NRG1: variants seen among roughly 807,000 people sequenced by gnomAD.
NRG1 encodes pro-neuregulin-1, membrane-bound isoform.
In NRG1, 18 loss-of-function variants were observed where a neutral mutation model predicts 63.8. That is an observed-to-expected ratio of 0.28 (90% CI 0.19 to 0.42). The LOEUF (loss-of-function observed/expected upper bound fraction) is 0.42. Among genes scored for constraint, NRG1 ranks in the 10% least tolerant of loss-of-function variants. The pLI is 1.00. For missense variants in NRG1, 762 were observed against 814.7 expected, an observed-to-expected ratio of 0.94 and a Z score of 0.79; for synonymous variants, 302 against 301.3, an observed-to-expected ratio of 1.00 and a Z score of -0.02.
chr8:32,203,436 G>T (rs1027488656), intron 1 of NRG1, among the ~76,000 whole-genome samples: 2 of 151,518 alleles, frequency 1.3e-5, no homozygotes, highest in East Asian at 3.9e-4. Context: ...GTGCAGTGGT[G>T]CAATCTTGGC....
intron 1 of NRG1, among the ~76,000 whole-genome samples, chr8:31,850,100 G>A (rs1827068683): frequency 6.6e-6 from 1 of 152,094 alleles, no homozygotes; most frequent in Non-Finnish European, 1.5e-5. Context: ...CCACAACCGA[G>A]GAGGATTTAG....
intron 5 of NRG1, among the ~76,000 whole-genome samples, chr8:32,659,146 C>CT (rs11408766): frequency 0.41 from 56,177 of 135,884 alleles, 11,845 homozygotes; most frequent in East Asian, 0.47. Context: ...CTTTTCTTTT[C>CT]TTTTTTTTTT....
chr8:32,129,379 C>T (rs942197077), intron 1 of NRG1, among the ~76,000 whole-genome samples: 12 of 151,896 alleles, frequency 7.9e-5, no homozygotes, highest in Admixed American at 2.6e-4. Flanking sequence ...TCTTTGGTGG[C>T]GATCAGTCCT....
intron 1 of NRG1, among the ~76,000 whole-genome samples, chr8:32,541,782 T>C (rs1171150919): frequency 1.3e-5 from 2 of 152,158 alleles, no homozygotes; most frequent in African/African-American, 4.8e-5. Flanking sequence ...CCGCCAAGTA[T>C]GTATGGAGAA....
At chr8:32,669,857 A>G (rs1348157449) in intron 5 of NRG1, among the ~76,000 whole-genome samples, 4 of 152,138 alleles carry the variant, frequency 2.6e-5, no homozygotes, top group Non-Finnish European at 4.4e-5. Flanking sequence ...TTATTCTTGT[A>G]TTTATTAAAG....
intron 7 of NRG1, chr8:32,743,030 G>A (rs1425249571): frequency 8.5e-7 from 1 of 1,174,506 alleles, no homozygotes; most frequent in Non-Finnish European, 1.1e-6. Context: ...AGTGAAATAT[G>A]ATAATAAAGG....
chr8:32,039,833 A>G (rs750098748), intron 1 of NRG1, among the ~76,000 whole-genome samples: 1 of 151,954 alleles, frequency 6.6e-6, no homozygotes, highest in East Asian at 2.0e-4. Flanking sequence ...AGCCTGGGCC[A>G]TAAACCAAGA....
intron 1 of NRG1, among the ~76,000 whole-genome samples, chr8:32,134,289 A>C: frequency 6.6e-6 from 1 of 152,282 alleles, no homozygotes; most frequent in East Asian, 1.9e-4. Context: ...CTTATTAAGT[A>C]GATAGGATGC....
intron 1 of NRG1, among the ~76,000 whole-genome samples, chr8:31,816,962 T>A (rs1055279918): frequency 1.3e-5 from 2 of 152,194 alleles, no homozygotes; most frequent in African/African-American, 2.4e-5. Flanking sequence ...CACATATTTT[T>A]AAAAATTTGT....
At chr8:32,681,483 A>T (rs536692052) in intron 5 of NRG1, among the ~76,000 whole-genome samples, 17 of 152,238 alleles carry the variant, frequency 1.1e-4, no homozygotes, top group African/African-American at 3.8e-4. Context: ...CCATTTTAAA[A>T]TGTATTAACT....
intron 1 of NRG1, among the ~76,000 whole-genome samples, chr8:32,055,297 A>G (rs534307161): frequency 2.0e-5 from 3 of 152,206 alleles, no homozygotes; most frequent in South Asian, 2.1e-4. Context: ...GGATAATAAT[A>G]TATCTTTCTA....
Position 32,167,683 on chromosome 8 carries a change from AT to A in NRG1, c.38-428142del, listed in dbSNP as rs1839544581. ...GAGAGTACATGATTTATAAAATAGA[AT>A]TTAAAATAACAGCCCTCAACAGCAG... On this transcript the variant is annotated intron_variant, in intron 1 of 10. Transcript: ENST00000519301. Among the ~76,000 whole-genome samples, 6 of 152,316 alleles carry A rather than the reference AT, an allele frequency of 3.9e-5. No individual in the cohort carries two copies. In the South Asian group the frequency reaches 1.2e-3, roughly 32 times the overall value.
At chr8:31,735,515 A>T (rs62506952) in intron 1 of NRG1, among the ~76,000 whole-genome samples, 33,520 of 152,128 alleles carry the variant, frequency 0.22, 4,724 homozygotes, top group East Asian at 0.67. Context: ...ATGGTTAACA[A>T]AAACTGTATA....
intron 1 of NRG1, among the ~76,000 whole-genome samples, chr8:32,166,698 C>T (rs1272115178): frequency 6.6e-6 from 1 of 152,166 alleles, no homozygotes; most frequent in South Asian, 2.1e-4. Flanking sequence ...GCTTCAGTAC[C>T]AAAGAGGAAG....
intron 1 of NRG1, among the ~76,000 whole-genome samples, chr8:32,411,431 T>C (rs1814930522): frequency 6.6e-6 from 1 of 152,116 alleles, no homozygotes; most frequent in African/African-American, 2.4e-5. Flanking sequence ...CCATTAGGAG[T>C]GTCTACAGTT....
intron 1 of NRG1, among the ~76,000 whole-genome samples, chr8:32,464,849 G>T (rs1207106130): frequency 6.6e-6 from 1 of 151,968 alleles, no homozygotes; most frequent in African/African-American, 2.4e-5. Context: ...ATCTAAGCAA[G>T]AATAAGCTCT....
chr8:32,553,153 G>A (rs547927295), intron 1 of NRG1, among the ~76,000 whole-genome samples: 136 of 152,100 alleles, frequency 8.9e-4, no homozygotes, highest in Non-Finnish European at 1.8e-3. Context: ...TAATCTTTCT[G>A]TGCCTAAATT....
At chr8:32,156,694 A>G (rs1165100705) in intron 1 of NRG1, among the ~76,000 whole-genome samples, 1 of 152,236 alleles carries the variant, frequency 6.6e-6, no homozygotes, top group East Asian at 1.9e-4. Context: ...GCCTAACAGG[A>G]TAGGAAGTTC....
chr8:32,190,557 G>T (rs1348571201), intron 1 of NRG1, among the ~76,000 whole-genome samples: 1 of 152,162 alleles, frequency 6.6e-6, no homozygotes, highest in Non-Finnish European at 1.5e-5. Flanking sequence ...TGAAGAGCAA[G>T]CAATCTTCAA....
Sources: allele counts gnomAD v4.1 joint callset (sites outside exome capture counted in the v4.1 genomes callset), GRCh38; gene constraint gnomAD v4.1.1; transcripts MANE v1.5; gene names NCBI Gene and HGNC (gene_info 2026-07-23, HGNC 2026-07-21).